The following XPR1 variants were observed in gnomAD, a reference collection of about 807,000 sequenced individuals.
XPR1 encodes xenotropic and polytropic retrovirus receptor 1.
A neutral mutation model predicts 87.5 loss-of-function variants in XPR1; 28 were observed. The ratio of observed to expected loss-of-function variants is 0.32; its 90% confidence interval spans 0.24 to 0.44. The LOEUF (loss-of-function observed/expected upper bound fraction) is 0.44, where lower values mean the gene tolerates loss of function less well. XPR1 is among the 20% of genes least tolerant of loss of function. The pLI, the probability that XPR1 is intolerant of heterozygous loss-of-function variation, is 1.00. For synonymous variants in XPR1, 300 were observed against 306.1 expected, an observed-to-expected ratio of 0.98 and a Z score of 0.21; for missense variants, 559 against 862.3, an observed-to-expected ratio of 0.65 and a Z score of 4.41.
At chr1:180,842,485 C>T (rs999277225) in intron 11 of XPR1, among the ~76,000 whole-genome samples, 1 of 152,094 alleles carries the variant, frequency 6.6e-6, no homozygotes, top group Non-Finnish European at 1.5e-5. Context: ...TGAAATATTT[C>T]AGTATATTTT....
intron 2 of XPR1, among the ~76,000 whole-genome samples, chr1:180,743,728 C>A (rs953979722): frequency 6.6e-6 from 1 of 152,126 alleles, no homozygotes; most frequent in African/African-American, 2.4e-5. Flanking sequence ...ATCTTTATTT[C>A]ACCTTCATTC....
intron 2 of XPR1, among the ~76,000 whole-genome samples, chr1:180,716,629 C>G (rs1658006648): frequency 6.6e-6 from 1 of 152,176 alleles, no homozygotes; most frequent in Admixed American, 6.5e-5. Context: ...CATCAGCCCT[C>G]TGCAGGTATA....
intron 9 of XPR1, among the ~76,000 whole-genome samples, chr1:180,826,298 C>A (rs933196229): frequency 2.0e-5 from 3 of 152,066 alleles, no homozygotes; most frequent in Admixed American, 6.5e-5. Context: ...TGCCTATAAT[C>A]CCAGTATTCG....
At chr1:180,820,669 A>G (rs1277711682) in intron 7 of XPR1, among the ~76,000 whole-genome samples, 1 of 152,156 alleles carries the variant, frequency 6.6e-6, no homozygotes, top group East Asian at 1.9e-4. Context: ...ACCATTTTCC[A>G]TTCCTACTAG....
chr1:180,740,302 G>A (rs1658872449), intron 2 of XPR1, among the ~76,000 whole-genome samples: 1 of 151,998 alleles, frequency 6.6e-6, no homozygotes, highest in Non-Finnish European at 1.5e-5. Context: ...TTTCCCCTCT[G>A]CCGTAGATGC....
chr1:180,858,085 G>A (rs1420502254), intron 11 of XPR1, among the ~76,000 whole-genome samples: 4 of 152,022 alleles, frequency 2.6e-5, no homozygotes, highest in Admixed American at 6.6e-5. Flanking sequence ...GCGTGGTGGC[G>A]CATGCCTGCA....
chr1:180,863,571 G>C, intron 11 of XPR1, 137 bp from the exon 12 acceptor site: 2 of 633,630 alleles, frequency 3.2e-6, no homozygotes. Context: ...GTTAGACAGT[G>C]ATCTTCCTAC....
At chr1:180,638,491 G>A (rs941677470) in intron 1 of XPR1, among the ~76,000 whole-genome samples, 3 of 152,030 alleles carry the variant, frequency 2.0e-5, no homozygotes, top group Non-Finnish European at 2.9e-5. Context: ...GCCTTTTCAG[G>A]TCTTTCCTTA....
At chr1:180,835,482 C>G (rs1358445327) in intron 10 of XPR1, among the ~76,000 whole-genome samples, 1 of 151,478 alleles carries the variant, frequency 6.6e-6, no homozygotes, top group Non-Finnish European at 1.5e-5. Context: ...TATTTTTCTT[C>G]TGGCCGTTTT....
intron 12 of XPR1, among the ~76,000 whole-genome samples, chr1:180,866,779 C>G (rs1178269609): frequency 6.6e-6 from 1 of 150,542 alleles, no homozygotes; most frequent in Admixed American, 6.6e-5. Flanking sequence ...AGATATAACA[C>G]TATACACATA....
At chr1:180,812,278 CTGT>C (rs1650245377) in intron 7 of XPR1, among the ~76,000 whole-genome samples, 1 of 152,176 alleles carries the variant, frequency 6.6e-6, no homozygotes, top group Non-Finnish European at 1.5e-5. Context: ...TCAATCTCCT[CTGT>C]CTATATTTGT....
chr1:180,786,409 T>C (rs1289294451), intron 2 of XPR1, among the ~76,000 whole-genome samples: 1 of 152,188 alleles, frequency 6.6e-6, no homozygotes, highest in African/African-American at 2.4e-5. Context: ...GACCCGGGGC[T>C]CAGAAAGGAA....
chr1:180,847,623 T>C (rs979572291), intron 11 of XPR1, among the ~76,000 whole-genome samples: 1 of 152,136 alleles, frequency 6.6e-6, no homozygotes, highest in African/African-American at 2.4e-5. Context: ...ATTGATATCC[T>C]CTCCACCATC....
intron 2 of XPR1, among the ~76,000 whole-genome samples, chr1:180,702,381 T>C (rs1657372540): frequency 6.7e-6 from 1 of 148,488 alleles, no homozygotes; most frequent in Non-Finnish European, 1.5e-5. Flanking sequence ...TTGGAATAGG[T>C]GTGGTGTGGT....
intron 13 of XPR1, among the ~76,000 whole-genome samples, chr1:180,878,848 C>T (rs1304399945): frequency 2.0e-5 from 3 of 152,184 alleles, no homozygotes; most frequent in Non-Finnish European, 4.4e-5. Context: ...GGTTCTTCCT[C>T]CTCCCCCCAA....
intron 2 of XPR1, among the ~76,000 whole-genome samples, chr1:180,752,331 G>C (rs1475161282): frequency 1.3e-5 from 2 of 152,094 alleles, no homozygotes; most frequent in Non-Finnish European, 2.9e-5. Flanking sequence ...TAAATTAGTT[G>C]ATTCTCTGGT....
chr1:180,666,533 CT>C (rs1461612035), intron 1 of XPR1, among the ~76,000 whole-genome samples: 2 of 151,956 alleles, frequency 1.3e-5, no homozygotes, highest in African/African-American at 4.8e-5. Flanking sequence ...GTATTTTATT[CT>C]TTTCGATGCT....
In XPR1 at chr1:180,854,419, A is replaced by G. The variant is rs527536157; in HGVS notation, c.1502-9289A>G. Among the ~76,000 whole-genome samples, 283 of 152,362 alleles carry G rather than the reference A, an allele frequency of 1.9e-3. 1 individual carries two copies. Among genetic ancestry groups the G allele is most frequent in the Non-Finnish European group, 2.7e-3 (183 of 68,028 alleles). On this transcript the variant is annotated intron_variant, in intron 11 of 14. Transcript: ENST00000367590. The stretch of plus-strand genomic sequence containing the variant: ...TGTGGTGAGTAAACATATATGTTAC[A>G]TATGTCCCATGTTCACTTCGGAGTA...
At chr1:180,875,400 T>G (rs968879770) in intron 13 of XPR1, among the ~76,000 whole-genome samples, 1 of 151,162 alleles carries the variant, frequency 6.6e-6, no homozygotes, top group African/African-American at 2.4e-5. Flanking sequence ...TCCCAGGTAC[T>G]CAGGAGGCTG....
Sources: gnomAD v4.1 joint callset for allele counts (sites outside exome capture counted in the v4.1 genomes callset) on GRCh38, gnomAD v4.1.1 for gene constraint, MANE v1.5 for transcripts, NCBI Gene and HGNC (gene_info 2026-07-23, HGNC 2026-07-21) for gene names.